ATP8A2: variants seen among roughly 807,000 people sequenced by gnomAD.
ATP8A2 encodes phospholipid-transporting ATPase IB.
ATP8A2 carries 100 observed loss-of-function variants against 165.6 expected under a neutral mutation model. The observed-to-expected ratio is 0.60, with a 90% CI of 0.51 to 0.71. The LOEUF (loss-of-function observed/expected upper bound fraction) is 0.71. Among genes scored for constraint, ATP8A2 ranks in the 30% least tolerant of loss-of-function variants. The pLI, the probability that ATP8A2 is intolerant of heterozygous loss-of-function variation, is 0.00. For synonymous variants in ATP8A2, 543 were observed against 548.8 expected, an observed-to-expected ratio of 0.99 and a Z score of 0.15; for missense variants, 1,227 against 1,479.5, an observed-to-expected ratio of 0.83 and a Z score of 2.80.
intron 22 of ATP8A2, 83 bp downstream of exon 22, chr13:25,580,030 T>A: frequency 6.7e-7 from 1 of 1,486,926 alleles, no homozygotes; most frequent in South Asian, 1.2e-5. Flanking sequence ...GGAATCCTTT[T>A]ACTATGTAGG....
At position 25,628,280 on chromosome 13, in the gene ATP8A2, G is replaced by C. The variant is rs78352341; in HGVS notation, c.2211+38581G>C. Among the ~76,000 whole-genome samples the C allele has an allele frequency of 6.3e-3, 951 of 152,140 alleles. 10 individuals carry two copies. Among genetic ancestry groups the C allele is most frequent in the African/African-American group, 0.022 (900 of 41,480 alleles). On this transcript the variant is annotated intron_variant, in intron 24 of 36. Transcript: ENST00000381655. ...TTACAGTTGAGGTCCATTGGGTCTG[G>C]GAGCCATTCATTCTCTTTAAGATAA... is the stretch of plus-strand genomic sequence containing the variant.
intron 10 of ATP8A2, among the ~76,000 whole-genome samples, chr13:25,550,214 A>G (rs1191437545): frequency 1.3e-5 from 2 of 152,144 alleles, no homozygotes; most frequent in African/African-American, 4.8e-5. Flanking sequence ...GCGAGGCACA[A>G]GAATTGCTTG....
intron 25 of ATP8A2, among the ~76,000 whole-genome samples, chr13:25,757,534 C>A (rs1477496862): frequency 1.3e-5 from 2 of 151,878 alleles, no homozygotes; most frequent in Non-Finnish European, 2.9e-5. Flanking sequence ...TGCACACGCA[C>A]TTAGAAGAGA....
At chr13:26,014,669 G>A (rs190064161) in intron 36 of ATP8A2, among the ~76,000 whole-genome samples, 2 of 152,246 alleles carry the variant, frequency 1.3e-5, no homozygotes, top group East Asian at 1.9e-4. Context: ...AACTGTCTAT[G>A]GGACTATTGG....
intron 27 of ATP8A2, among the ~76,000 whole-genome samples, chr13:25,803,419 AG>A (rs1343743845): frequency 6.6e-6 from 1 of 152,200 alleles, no homozygotes; most frequent in Non-Finnish European, 1.5e-5. Flanking sequence ...ATAGTAATTT[AG>A]TAGAGGTTCA....
At position 25,953,234 on chromosome 13, in the gene ATP8A2, G is replaced by A. The variant is rs140551315; in HGVS notation, c.3184-8341G>A. Reference sequence around the variant, plus strand: ...TTTCTTTTACTTACAATTTGAAGTTGGCACTGGTGTTGCTGGGCCAACCAG... The same window carrying A: ...TTTCTTTTACTTACAATTTGAAGTTAGCACTGGTGTTGCTGGGCCAACCAG... On this transcript the variant is annotated intron_variant, in intron 33 of 36. Coordinates refer to ENST00000381655, the MANE Select transcript of ATP8A2 (RefSeq NM_016529.6). The surrounding 1 kb of genome is among the most constrained non-coding windows in gnomAD (Gnocchi z 6.7). Among the ~76,000 whole-genome samples the A allele has an allele frequency of 1.7e-4, 26 of 152,208 alleles. No individual in the cohort carries two copies. The South Asian group carries it at 1.9e-3, about 11-fold the overall frequency.
chr13:25,406,531 A>G (rs377106801), intron 1 of ATP8A2, among the ~76,000 whole-genome samples: 4 of 152,306 alleles, frequency 2.6e-5, no homozygotes, highest in African/African-American at 9.6e-5. Flanking sequence ...TCATAGGACT[A>G]TGCATACACT....
intron 33 of ATP8A2, among the ~76,000 whole-genome samples, chr13:25,865,876 G>T (rs1252601845): frequency 3.3e-5 from 5 of 152,140 alleles, no homozygotes; most frequent in Non-Finnish European, 7.3e-5. Context: ...TCTATCCTGG[G>T]GAATGCCAGT....
chr13:25,786,754 G>GATTTTTTTTTTTTT (rs58430501), intron 27 of ATP8A2, among the ~76,000 whole-genome samples: 1 of 134,644 alleles, frequency 7.4e-6, no homozygotes, highest in Non-Finnish European at 1.6e-5. Context: ...ACAATTCTAT[G>GATTTTTTTTTTTTT]TTTTTTTTTT....
chr13:25,476,389 C>T (rs1437781374), intron 2 of ATP8A2, among the ~76,000 whole-genome samples: 4 of 151,778 alleles, frequency 2.6e-5, no homozygotes, highest in Non-Finnish European at 5.9e-5. Flanking sequence ...TGGGTTCAAG[C>T]GATTCTCCTG....
chr13:25,487,859 G>A (rs76119369), intron 2 of ATP8A2, among the ~76,000 whole-genome samples: 1 of 147,594 alleles, frequency 6.8e-6, no homozygotes, highest in African/African-American at 2.5e-5. Context: ...TTTTTTTTTT[G>A]TAATAGCCTG....
At chr13:25,893,979 A>G (rs1233551354) in intron 33 of ATP8A2, among the ~76,000 whole-genome samples, 1 of 152,190 alleles carries the variant, frequency 6.6e-6, no homozygotes, top group African/African-American at 2.4e-5. Flanking sequence ...CCCATTCTGT[A>G]GGATGCCTGT....
chr13:25,621,341 A>C (rs977102149), intron 24 of ATP8A2, among the ~76,000 whole-genome samples: 2 of 152,186 alleles, frequency 1.3e-5, no homozygotes, highest in African/African-American at 4.8e-5. Context: ...TAGAGGATAA[A>C]TTAGCTATGA....
In ATP8A2 at chr13:25,372,919, A is replaced by T. The variant is rs920356566; in HGVS notation, c.76+631A>T. Among the ~76,000 whole-genome samples, 1 of 152,064 alleles carries T rather than the reference A, an allele frequency of 6.6e-6. No individual in the cohort carries two copies. Among genetic ancestry groups the T allele is most frequent in the Non-Finnish European group, 1.5e-5 (1 of 67,998 alleles). Reference sequence around the variant, plus strand: ...CAGGTACACACACACGTACACACGCACGCGTACACATACCCTGCCTGCAGG... The same window carrying T: ...CAGGTACACACACACGTACACACGCTCGCGTACACATACCCTGCCTGCAGG... On this transcript the variant is annotated intron_variant, in intron 1 of 36. Transcript: ENST00000381655. This position sits in a 1 kb window ranked among gnomAD's most constrained non-coding sequence, Gnocchi z 4.8.
intron 23 of ATP8A2, among the ~76,000 whole-genome samples, chr13:25,583,147 T>C (rs891957368): frequency 6.6e-6 from 1 of 152,232 alleles, no homozygotes; most frequent in Non-Finnish European, 1.5e-5. Context: ...CCTTTGATGA[T>C]GTGTCAGTAG....
intron 13 of ATP8A2, among the ~76,000 whole-genome samples, chr13:25,558,633 GTTAA>G (rs979594535): frequency 6.6e-6 from 1 of 152,022 alleles, no homozygotes; most frequent in African/African-American, 2.4e-5. Context: ...AGGCAATTCT[GTTAA>G]TTACTCTCCC....
intron 33 of ATP8A2, among the ~76,000 whole-genome samples, chr13:25,942,617 T>C (rs1448349170): frequency 1.3e-5 from 2 of 152,102 alleles, no homozygotes; most frequent in Admixed American, 6.5e-5. Flanking sequence ...ACAGATGGGG[T>C]TTCACCATGT....
chr13:25,731,161 G>GAT (rs1566085239), intron 25 of ATP8A2, among the ~76,000 whole-genome samples: 1 of 100,666 alleles, frequency 9.9e-6, no homozygotes, highest in Non-Finnish European at 2.2e-5. Context: ...GAAAGAAAGA[G>GAT]AAAGAAGGAA....
In ATP8A2 at chr13:25,397,832, T is replaced by C. The variant is rs547568289; in HGVS notation, c.76+25544T>C. ...TGTACATTGGTTTGGCCAAGAAAAC[T>C]GTGACATCTCAAAGTGGGGGCTTCC... On this transcript the variant is annotated intron_variant, in intron 1 of 36. Transcript: ENST00000381655. Among the ~76,000 whole-genome samples, 89 of 152,274 alleles carry C rather than the reference T, an allele frequency of 5.8e-4. 1 individual carries two copies. Among genetic ancestry groups the C allele is most frequent in the African/African-American group, 2.0e-3 (85 of 41,536 alleles).
Sources: gnomAD v4.1 joint callset for allele counts (sites outside exome capture counted in the v4.1 genomes callset) on GRCh38, gnomAD v4.1.1 for gene constraint, Gnocchi (gnomAD v3.1) non-coding constraint, MANE v1.5 for transcripts, NCBI Gene and HGNC (gene_info 2026-07-23, HGNC 2026-07-21) for gene names.